KDM4B: variants seen among roughly 807,000 people sequenced by gnomAD.
KDM4B encodes lysine demethylase 4B, also known as lysine-specific demethylase 4B.
KDM4B carries 32 observed loss-of-function variants against 125.2 expected under a neutral mutation model. The observed-to-expected ratio is 0.26, with a 90% CI of 0.19 to 0.34. The LOEUF (loss-of-function observed/expected upper bound fraction) is 0.34. Among genes scored for constraint, KDM4B ranks in the 10% least tolerant of loss-of-function variants. KDM4B has a pLI of 1.00. For missense variants in KDM4B, 1,190 were observed against 1,577.7 expected, an observed-to-expected ratio of 0.75 and a Z score of 4.16; for synonymous variants, 721 against 677.9, an observed-to-expected ratio of 1.06 and a Z score of -0.99.
rs995333710 is a variant in KDM4B, at chr19:5,097,722, G to T, written c.919-12900G>T. 3.3e-5 allele frequency among the ~76,000 whole-genome samples: 5 copies of T among 152,258 alleles called. No individual in the cohort carries two copies. In the East Asian group the frequency reaches 9.6e-4, roughly 29 times the overall value. ...AGGCTGGGGCCTCAGGGCAGAGAGCGCGTTGGCCACCTTCCCTTTTGTTCT... is the reference window on the plus strand; with the variant it reads ...AGGCTGGGGCCTCAGGGCAGAGAGCTCGTTGGCCACCTTCCCTTTTGTTCT... On this transcript the variant is annotated intron_variant, in intron 9 of 22. Transcript: ENST00000159111.
At chr19:5,128,035 T>G (rs2039479146) in intron 11 of KDM4B, among the ~76,000 whole-genome samples, 1 of 151,956 alleles carries the variant, frequency 6.6e-6, no homozygotes, top group Admixed American at 6.5e-5. Flanking sequence ...GCCTGTTGTG[T>G]GTGAGGACAG....
In KDM4B at chr19:5,103,881, AGGTGAAGATGGGGCACGGG is replaced by A. The variant is rs1319712702; in HGVS notation, c.919-6736_919-6718del. 2.6e-5 allele frequency among the ~76,000 whole-genome samples: 4 copies of A among 152,074 alleles called. No homozygotes were observed. The East Asian group carries it at 5.8e-4, about 22-fold the overall frequency. On this transcript the variant is annotated intron_variant, in intron 9 of 22. Coordinates refer to ENST00000159111, the MANE Select transcript of KDM4B (RefSeq NM_015015.3). ...CCCCACCCTGCCTTGGTCCTTAAGG[AGGTGAAGATGGGGCACGGG>A]GGTGCACGGCCACCTCCTGTAGAAC...
intron 1 of KDM4B, among the ~76,000 whole-genome samples, chr19:5,012,624 G>A (rs2035764243): frequency 6.6e-6 from 1 of 152,202 alleles, no homozygotes; most frequent in African/African-American, 2.4e-5. Context: ...CAGGCAGATG[G>A]TAGGGCGCCC....
At chr19:5,111,839 G>A (rs1193904718) in intron 10 of KDM4B, 1 of 764,884 alleles carries the variant, frequency 1.3e-6, no homozygotes, top group South Asian at 1.3e-5. Context: ...GCAGATGATA[G>A]ACAGCGAAGA....
intron 1 of KDM4B, among the ~76,000 whole-genome samples, chr19:4,986,307 A>C (rs2034829161): frequency 6.6e-6 from 1 of 152,242 alleles, no homozygotes; most frequent in South Asian, 2.1e-4. Context: ...GAACTCTGTC[A>C]GTGCCACTGA....
chr19:5,146,761 C>CTT (rs1478710831), intron 21 of KDM4B, among the ~76,000 whole-genome samples: 1 of 25,542 alleles, frequency 3.9e-5, no homozygotes. Flanking sequence ...ACCCCCCCCC[C>CTT]CCCCACAATC....
intron 3 of KDM4B, among the ~76,000 whole-genome samples, chr19:5,033,730 C>T (rs2036530232): frequency 6.6e-6 from 1 of 152,226 alleles, no homozygotes; most frequent in South Asian, 2.1e-4. Context: ...TCCCTGGAAG[C>T]AGCACTGTTA....
chr19:5,113,654 C>T (rs1427347101), intron 10 of KDM4B, among the ~76,000 whole-genome samples: 1 of 152,166 alleles, frequency 6.6e-6, no homozygotes, highest in Non-Finnish European at 1.5e-5. Flanking sequence ...GGGGAGCATC[C>T]TGGGCCCTGC....
In KDM4B at chr19:4,989,235, A is replaced by G. The variant is rs372908756; in HGVS notation, c.-109+20005A>G. ...CTTGCAGAGTGCTGGTTCTTTGCCT[A>G]AGGATGGTGGGGCAGGGGGGCCGTG... is the stretch of plus-strand genomic sequence containing the variant. On this transcript the variant is annotated intron_variant, in intron 1 of 22. Coordinates refer to ENST00000159111, the MANE Select transcript of KDM4B (RefSeq NM_015015.3). 9.2e-5 allele frequency among the ~76,000 whole-genome samples: 14 copies of G among 152,176 alleles called. No homozygotes were observed. The South Asian group carries it at 2.9e-3, about 32-fold the overall frequency.
chr19:4,969,304 C>T (rs1321127569), intron 1 of KDM4B, 74 bp downstream of exon 1: 1 of 146,450 alleles, frequency 6.8e-6, no homozygotes, highest in Non-Finnish European at 1.5e-5. Flanking sequence ...CGCGTCGCGG[C>T]TCGGGGCTGC....
In KDM4B at chr19:5,135,560, C is replaced by T. The variant is rs2039634493; in HGVS notation, c.2307C>T (p.Ala769=). 4 of 1,590,264 alleles carry T rather than the reference C, an allele frequency of 2.5e-6. No homozygotes were observed. Among genetic ancestry groups the T allele is most frequent in the Non-Finnish European group, 2.6e-6 (3 of 1,170,668 alleles). ...GCAAGTGCTGCCTGCAGGTCCATGC[C>T]AGTGAGTGCCACTGTGGGGCCCAGA... The part of the protein sequence containing the change: ...ACGKCCLQVH[A]SCYGIRPELV... The change falls in exon 15 of 23, where the codon GCC becomes GCT. Residue 769 remains alanine, a splice_region_variant and synonymous_variant. Transcript: ENST00000159111.
chr19:5,090,363 C>A (rs1568291417), intron 9 of KDM4B, among the ~76,000 whole-genome samples: 1 of 132,914 alleles, frequency 7.5e-6, no homozygotes, highest in African/African-American at 2.9e-5. Flanking sequence ...TCTCTCTCTC[C>A]TCATCTCTCT....
At position 5,035,885 on chromosome 19, in the gene KDM4B, G is replaced by GCGCA. The variant is rs1325785272; in HGVS notation, c.141+2857_141+2858insACGC. ...TCTCTGTGTGTGTGTGTGTGTGCGC[G>GCGCA]CGCGCGCGCGCCTGCGCGCACAGGA... On this transcript the variant is annotated intron_variant, in intron 3 of 22. Transcript: ENST00000159111. The surrounding 1 kb of genome is among the most constrained non-coding windows in gnomAD (Gnocchi z 5.3). Among the ~76,000 whole-genome samples the GCGCA allele has an allele frequency of 1.2e-4, 17 of 141,520 alleles. No homozygotes were observed. The highest frequency in any genetic ancestry group is 1.2e-3 in the Admixed American group (17 of 14,618). 92.8% of individuals were successfully genotyped at this position (141,520 alleles called of 152,430 possible). A position where few individuals can be genotyped will look rare whatever the true frequency, so the allele number is the denominator to read the frequency against.
rs777780830 is a variant in KDM4B, at chr19:5,078,589, AG to A, written c.780+1122del. Reference sequence around the variant, plus strand: ...AACCAGACAGATCACGGCATTGCTCAGGGAAGTGAGAAGTACTGATTTTCTG... The same window carrying A: ...AACCAGACAGATCACGGCATTGCTCAGGAAGTGAGAAGTACTGATTTTCTG... On this transcript the variant is annotated intron_variant, in intron 8 of 22. Coordinates refer to ENST00000159111, the MANE Select transcript of KDM4B (RefSeq NM_015015.3). This position sits in a 1 kb window ranked among gnomAD's most constrained non-coding sequence, Gnocchi z 4.5. 6.6e-6 allele frequency: 1 copy of A among 151,966 alleles called. No homozygotes were observed. Among genetic ancestry groups the A allele is most frequent in the Non-Finnish European group, 1.5e-5 (1 of 68,022 alleles). The allele number at this position is 151,966 out of a possible 1,614,324, so 9.4% of individuals were successfully genotyped here.
intron 9 of KDM4B, among the ~76,000 whole-genome samples, chr19:5,093,096 C>T (rs1454137948): frequency 6.6e-6 from 1 of 152,192 alleles, no homozygotes; most frequent in East Asian, 1.9e-4. Context: ...TGGAACAGCA[C>T]TTGGGTGGTG....
intron 6 of KDM4B, among the ~76,000 whole-genome samples, chr19:5,061,018 G>T (rs545827669): frequency 2.0e-5 from 3 of 152,240 alleles, no homozygotes; most frequent in Non-Finnish European, 4.4e-5. Context: ...ATTAAAGTGG[G>T]CTGGCGGTGT....
At chr19:5,125,738 T>A (rs2039437289) in intron 11 of KDM4B, among the ~76,000 whole-genome samples, 14 of 152,000 alleles carry the variant, frequency 9.2e-5, no homozygotes, top group Admixed American at 9.2e-4. Context: ...CACGTCAGGG[T>A]CTCTGCCCAG....
chr19:5,119,046 T>A, intron 10 of KDM4B: 1 of 874,950 alleles, frequency 1.1e-6, no homozygotes, highest in Non-Finnish European at 1.8e-6. Flanking sequence ...CAGAGCCAGG[T>A]GGCCAGGACC....
At chr19:5,048,936 G>A (rs548307616) in intron 6 of KDM4B, among the ~76,000 whole-genome samples, 1 of 152,318 alleles carries the variant, frequency 6.6e-6, no homozygotes, top group Non-Finnish European at 1.5e-5. Flanking sequence ...TGGGGGACCA[G>A]CCAGTGAGTC....
Sources: gnomAD v4.1 joint callset for allele counts (sites outside exome capture counted in the v4.1 genomes callset) on GRCh38, gnomAD v4.1.1 for gene constraint, Gnocchi (gnomAD v3.1) non-coding constraint, MANE v1.5 for transcripts, NCBI Gene and HGNC (gene_info 2026-07-23, HGNC 2026-07-21) for gene names.